DGKZ: variants seen among roughly 807,000 people sequenced by gnomAD.
DGKZ encodes diacylglycerol kinase zeta.
DGKZ carries 45 observed loss-of-function variants against 142.5 expected under a neutral mutation model. That is an observed-to-expected ratio of 0.32 (90% CI 0.25 to 0.40). The LOEUF is 0.40. DGKZ is among the 10% of genes least tolerant of loss of function. DGKZ has a pLI of 1.00. For missense variants in DGKZ, 755 were observed against 1,306.5 expected, an observed-to-expected ratio of 0.58 and a Z score of 6.51; for synonymous variants, 442 against 527.0, an observed-to-expected ratio of 0.84 and a Z score of 2.21.
At chr11:46,345,318 C>T (rs1940503116), upstream of DGKZ, 7 of 1,383,798 alleles carry the variant, frequency 5.1e-6, no homozygotes, top group Non-Finnish European at 6.5e-6. The surrounding 1 kb of genome is among the most constrained non-coding windows in gnomAD (Gnocchi z 4.1). Context: ...CTGTGGTCCT[C>T]AGCTTGGGCG....
rs771174007 is a variant in DGKZ at position 46,378,943 on chromosome 11, G to T, written c.2419-48G>T. The T allele has an allele frequency of 2.0e-6, 3 of 1,504,444 alleles. No homozygotes were observed. The Admixed American group carries it at 6.5e-5, about 33-fold the overall frequency. 93.2% of individuals were successfully genotyped at this position (1,504,444 alleles called of 1,614,324 possible). A position where few individuals can be genotyped will look rare whatever the true frequency, so the allele number is the denominator to read the frequency against. On this transcript the variant is annotated intron_variant, in intron 27 of 30. Transcript: ENST00000527911. ...GGGCCAGCGTGTGAGCTCAGGGAAG[G>T]AGGGGTGGCCCCAGGAGGTCCAGCC...
chr11:46,377,176 C>A, exon 25 of DGKZ: 1 of 1,606,758 alleles, frequency 6.2e-7, no homozygotes, highest in Admixed American at 1.7e-5. Flanking sequence ...ACCCCCACTT[C>A]CCCTCTCCCC....
At chr11:46,348,480 A>G (rs556801367) in intron 1 of DGKZ, among the ~76,000 whole-genome samples, 1 of 152,288 alleles carries the variant, frequency 6.6e-6, no homozygotes, top group Admixed American at 6.5e-5. Context: ...TCCCTCTGCT[A>G]GGCAGGCAGC....
intron 29 of DGKZ, 110 bp from the exon 30 acceptor site, chr11:46,379,359 C>A (rs1261034845): frequency 6.4e-7 from 1 of 1,562,974 alleles, no homozygotes; most frequent in Admixed American, 1.7e-5. Flanking sequence ...CCTGGGCCAC[C>A]CCTATTGCCC....
At chr11:46,352,084 C>T (rs1941453292) in intron 1 of DGKZ, among the ~76,000 whole-genome samples, 1 of 152,196 alleles carries the variant, frequency 6.6e-6, no homozygotes, top group South Asian at 2.1e-4. Context: ...AACGGGCCTG[C>T]CCTCCTCGGC....
rs888387179 is a variant in DGKZ at position 46,347,845 on chromosome 11, G to T, written c.161+25G>T. 1 of 1,276,358 alleles carries T rather than the reference G, an allele frequency of 7.8e-7. No homozygotes were observed. Among genetic ancestry groups the T allele is most frequent in the Non-Finnish European group, 9.9e-7 (1 of 1,009,330 alleles). 79.1% of individuals were successfully genotyped at this position (1,276,358 alleles called of 1,614,324 possible). A position where few individuals can be genotyped will look rare whatever the true frequency, so the allele number is the denominator to read the frequency against. ...GGTGAGCGGGGCGGCGGCGGGGCAG[G>T]CACCGAGGCACCGGCAGGTTACCGC... On this transcript the variant is annotated intron_variant, in intron 1 of 30. Transcript: ENST00000527911. This position sits in a 1 kb window ranked among gnomAD's most constrained non-coding sequence, Gnocchi z 6.4.
Position 46,366,976 on chromosome 11 carries a change from C to G in DGKZ, c.162-315C>G. The G allele has an allele frequency of 2.6e-6, 4 of 1,529,566 alleles. No homozygotes were observed. In the South Asian group the frequency reaches 4.8e-5, roughly 18 times the overall value. The allele number at this position is 1,529,566 out of a possible 1,614,324, so 94.7% of individuals were successfully genotyped here. A position where few individuals can be genotyped will look rare whatever the true frequency, so the allele number is the denominator to read the frequency against. On this transcript the variant is annotated intron_variant, in intron 1 of 30. Coordinates refer to ENST00000527911, the Ensembl canonical transcript of DGKZ. The stretch of plus-strand genomic sequence containing the variant: ...CGGCCGGACCCCAGGCCTGGAGCGC[C>G]CTGCTCGCGTAGGTATAGCTGTGGC...
intron 19 of DGKZ, 109 bp downstream of exon 19, chr11:46,375,154 T>G: frequency 1.9e-6 from 2 of 1,073,588 alleles, no homozygotes; most frequent in Non-Finnish European, 2.6e-6. Flanking sequence ...CTCACCTCCC[T>G]TCTTTGTCTC....
Position 46,379,250 on chromosome 11 carries a change from C to T in DGKZ, c.2573+14C>T. On this transcript the variant is annotated intron_variant, in intron 29 of 30. Transcript: ENST00000527911. The stretch of plus-strand genomic sequence containing the variant: ...GGTGGAGGAAAAGTAAGTATCTGGG[C>T]AGTGCAGAACCGTGGTCACCCCGGA... The T allele has an allele frequency of 6.2e-7, 1 of 1,613,122 alleles. No homozygotes were observed. The highest frequency in any genetic ancestry group is 8.5e-7 in the Non-Finnish European group (1 of 1,179,892).
rs776442715 is a variant in DGKZ, at chr11:46,371,539, C to T, written c.695C>T (p.Ser232Leu). 1.7e-5 allele frequency: 27 copies of T among 1,610,624 alleles called. No homozygotes were observed. In the South Asian group the frequency reaches 1.9e-4, roughly 11 times the overall value. The change falls in exon 8 of 31, where the codon TCG becomes TTG. Residue 232 changes from serine to leucine, a missense_variant. Ser to Leu is a moderately radical substitution (Grantham distance 145). Coordinates refer to ENST00000527911, the Ensembl canonical transcript of DGKZ. ...CTGCAGCAGATCGAGGAGCCGTGCT[C>T]GCTGGGGGTCCACGCAGCCGTGGTC...
rs746844461 is a variant in DGKZ, at chr11:46,379,119, G to A, written c.2539+8G>A. The A allele has an allele frequency of 1.1e-5, 17 of 1,609,204 alleles. No individual in the cohort carries two copies. Among genetic ancestry groups the A allele is most frequent in the Admixed American group, 8.4e-5 (5 of 59,864 alleles). ...GCTACCTGCTGGACCACGGTGAGCC[G>A]GGCAGTGGAGCCCAGGGCCTGGGGC... On this transcript the variant is annotated splice_region_variant and intron_variant, in intron 28 of 30. Transcript: ENST00000527911.
chr11:46,379,569 G>C lies in DGKZ; in HGVS notation c.2688+1G>C. ...CTCGCTCATGAAGACAGACCAGCAG[G>C]TGAGCAGACGGCAGGCAGGGAGCCC... On this transcript the variant is annotated splice_donor_variant, in intron 30 of 30. Coordinates refer to ENST00000527911, the Ensembl canonical transcript of DGKZ. LOFTEE classifies it high-confidence loss of function. 1.9e-6 allele frequency: 3 copies of C among 1,605,302 alleles called. No individual in the cohort carries two copies. The highest frequency in any genetic ancestry group is 2.5e-6 in the Non-Finnish European group (3 of 1,176,544).
chr11:46,347,249 T>C (rs1372770542), upstream of DGKZ, among the ~76,000 whole-genome samples: 2 of 152,078 alleles, frequency 1.3e-5, no homozygotes, highest in Admixed American at 6.5e-5. This position sits in a 1 kb window ranked among gnomAD's most constrained non-coding sequence, Gnocchi z 6.4. Flanking sequence ...TTCAGTCCCA[T>C]CCAGGCGGGC....
chr11:46,368,317 C>A, intron 4 of DGKZ: 1 of 584,816 alleles, frequency 1.7e-6, no homozygotes, highest in Non-Finnish European at 3.2e-6. Flanking sequence ...CGTTGAATAT[C>A]ACTCAATGGA....
chr11:46,359,972 C>T (rs1222901307), intron 1 of DGKZ, among the ~76,000 whole-genome samples: 1 of 152,090 alleles, frequency 6.6e-6, no homozygotes. Flanking sequence ...TGTCATTTGT[C>T]ATATTTTGGT....
intron 1 of DGKZ, chr11:46,338,736 C>CA (rs1291242709): frequency 2.6e-5 from 4 of 152,054 alleles, no homozygotes; most frequent in African/African-American, 9.7e-5. Context: ...ACCTGGGCTC[C>CA]AATTCCAGCC....
At position 46,372,630 on chromosome 11, in the gene DGKZ, C is replaced by A. The variant is rs751878321; in HGVS notation, c.1024C>A (p.Arg342Ser). Residue 342 changes from arginine (R) to serine (S), a missense_variant, in exon 12 of 31, where the codon CGC (arginine) becomes AGC (serine). By Grantham distance (110) the Arg-to-Ser change is moderately radical. Transcript: ENST00000527911. The surrounding 1 kb of genome is among the most constrained non-coding windows in gnomAD (Gnocchi z 5.9). ...CCATGAGCCCAGGCTGGAGATGTAC[C>A]GCAAAGTGCACAACCTGCGGATCCT... 17 of 1,613,610 alleles carry A rather than the reference C, an allele frequency of 1.1e-5. No homozygotes were observed. The South Asian group carries it at 1.4e-4, about 14-fold the overall frequency.
upstream of DGKZ, chr11:46,345,419 CCG>C: frequency 2.8e-6 from 4 of 1,442,140 alleles, no homozygotes; most frequent in Non-Finnish European, 3.6e-6. The surrounding 1 kb of genome is among the most constrained non-coding windows in gnomAD (Gnocchi z 4.1). Flanking sequence ...GATGAGCGCA[CCG>C]GGGGCTGGCC....
intron 1 of DGKZ, among the ~76,000 whole-genome samples, chr11:46,357,235 A>G (rs1049293107): frequency 8.6e-5 from 13 of 151,844 alleles, no homozygotes; most frequent in Admixed American, 5.3e-4. Context: ...CCTAGCCCCC[A>G]AGCCTCTGAG....
Sources: allele counts gnomAD v4.1 joint callset (sites outside exome capture counted in the v4.1 genomes callset), GRCh38; gene constraint gnomAD v4.1.1; non-coding constraint Gnocchi (gnomAD v3.1); transcripts MANE v1.5; gene names NCBI Gene and HGNC (gene_info 2026-07-23, HGNC 2026-07-21).